Variants in PTK2 observed in about 807,000 individuals in gnomAD.
The protein encoded by PTK2 is focal adhesion kinase 1.
PTK2 carries 45 observed loss-of-function variants against 150.1 expected under a neutral mutation model. That is an observed-to-expected ratio of 0.30 (90% confidence interval 0.24 to 0.38). PTK2 has a LOEUF of 0.38. Ranked by LOEUF, PTK2 falls within the 10% of genes least tolerant of loss-of-function variation. The probability of loss-of-function intolerance (pLI) is 1.00; values close to 1 mark genes in which losing one functional copy is unlikely to be tolerated. For missense variants in PTK2, 919 were observed against 1,307.3 expected, an observed-to-expected ratio of 0.70 and a Z score of 4.58; for synonymous variants, 432 against 449.2, an observed-to-expected ratio of 0.96 and a Z score of 0.48.
At chr8:140,725,408 G>C (rs1448968974) in intron 22 of PTK2, among the ~76,000 whole-genome samples, 1 of 152,210 alleles carries the variant, frequency 6.6e-6, no homozygotes, top group Non-Finnish European at 1.5e-5. Context: ...AAACAACTGT[G>C]ACAGCATGGG....
chr8:140,781,806 A>T (rs1315462376), intron 14 of PTK2, among the ~76,000 whole-genome samples: 1 of 152,170 alleles, frequency 6.6e-6, no homozygotes. Context: ...TTCAAAACCT[A>T]TATGACCTCC....
intron 10 of PTK2, among the ~76,000 whole-genome samples, chr8:140,815,443 T>G (rs2100104147): frequency 6.6e-6 from 1 of 152,066 alleles, no homozygotes; most frequent in South Asian, 2.1e-4. Flanking sequence ...GGGAGGGGAT[T>G]GGGAAAAATA....
chr8:140,879,692 A>AAAAAAAAAAC (rs2100147936), intron 3 of PTK2, 55 bp from the exon 4 acceptor site: 5 of 1,270,022 alleles, frequency 3.9e-6, no homozygotes, highest in South Asian at 2.2e-5. Context: ...AAAAAAAAAA[A>AAAAAAAAAAC]AAAAAAAAAC....
chr8:140,884,642 A>G (rs7830394), intron 3 of PTK2, among the ~76,000 whole-genome samples: 63,254 of 151,954 alleles, frequency 0.42, 15,122 homozygotes, highest in Non-Finnish European at 0.55. Flanking sequence ...ACCTATGGCC[A>G]AACTCAGGGA....
chr8:140,834,884 A>G (rs546835125), intron 7 of PTK2, among the ~76,000 whole-genome samples: 6 of 152,334 alleles, frequency 3.9e-5, no homozygotes, highest in African/African-American at 1.4e-4. Flanking sequence ...TCAGAATCCC[A>G]TTTAACACTC....
intron 23 of PTK2, among the ~76,000 whole-genome samples, chr8:140,707,470 A>C (rs1328540450): frequency 6.6e-6 from 1 of 152,244 alleles, no homozygotes; most frequent in African/African-American, 2.4e-5. Flanking sequence ...GCAAGGTATA[A>C]TCCCGGCTCA....
exon 11 of PTK2, chr8:140,803,609 C>G (rs1334223363): frequency 6.2e-7 from 1 of 1,613,950 alleles, no homozygotes; most frequent in African/African-American, 1.3e-5. Context: ...TGTTTGAATA[C>G]TGAATGGTTT....
At chr8:140,708,670 G>A (rs1225968877) in intron 23 of PTK2, among the ~76,000 whole-genome samples, 1 of 152,014 alleles carries the variant, frequency 6.6e-6, no homozygotes, top group Non-Finnish European at 1.5e-5. Flanking sequence ...ACAGGAAAAG[G>A]GTATAAAGAG....
At chr8:140,690,375 C>T (rs1329621932) in intron 26 of PTK2, among the ~76,000 whole-genome samples, 1 of 152,122 alleles carries the variant, frequency 6.6e-6, no homozygotes, top group Non-Finnish European at 1.5e-5. Context: ...CAATCATCCG[C>T]CTCAGTTTCT....
intron 20 of PTK2, among the ~76,000 whole-genome samples, chr8:140,740,708 G>C (rs187108700): frequency 6.6e-6 from 1 of 152,314 alleles, no homozygotes; most frequent in African/African-American, 2.4e-5. Context: ...TAGGACTTGG[G>C]ACAGTTAAGA....
At chr8:140,710,606 G>T (rs1292568056) in intron 23 of PTK2, among the ~76,000 whole-genome samples, 1 of 152,090 alleles carries the variant, frequency 6.6e-6, no homozygotes, top group Non-Finnish European at 1.5e-5. Context: ...GGGAGGTAGA[G>T]GTTGCGGTGA....
At chr8:140,832,458 T>C (rs947810358) in intron 7 of PTK2, among the ~76,000 whole-genome samples, 4 of 152,226 alleles carry the variant, frequency 2.6e-5, no homozygotes, top group Admixed American at 1.3e-4. Flanking sequence ...GAACTCCTAC[T>C]ACCATGCAGT....
intron 3 of PTK2, among the ~76,000 whole-genome samples, chr8:140,885,885 G>A (rs1007607402): frequency 1.3e-5 from 2 of 152,128 alleles, no homozygotes; most frequent in African/African-American, 4.8e-5. Context: ...GTTCTGAGTG[G>A]AGGAGTGAAG....
intron 26 of PTK2, among the ~76,000 whole-genome samples, chr8:140,696,438 G>A (rs180762440): frequency 7.6e-4 from 115 of 152,238 alleles, no homozygotes; most frequent in Admixed American, 2.5e-3. Flanking sequence ...CAAGCTTCAC[G>A]CTTGGCGCTC....
At chr8:140,700,237 T>C (rs2100029421) in intron 26 of PTK2, among the ~76,000 whole-genome samples, 1 of 152,194 alleles carries the variant, frequency 6.6e-6, no homozygotes, top group Non-Finnish European at 1.5e-5. Flanking sequence ...TAGAGGGCAG[T>C]GGCACAATCA....
At chr8:140,866,500 T>C (rs1256582293) in intron 4 of PTK2, among the ~76,000 whole-genome samples, 1 of 152,240 alleles carries the variant, frequency 6.6e-6, no homozygotes, top group Non-Finnish European at 1.5e-5. Context: ...AGATCACCTA[T>C]GCCTGAATTT....
chr8:140,712,757 T>C (rs182226481), intron 23 of PTK2, among the ~76,000 whole-genome samples: 49 of 152,340 alleles, frequency 3.2e-4, no homozygotes, highest in South Asian at 1.5e-3. Flanking sequence ...CTGAGCTTAC[T>C]ATAACAGTCT....
At chr8:140,855,510 G>A (rs370402792) in intron 5 of PTK2, among the ~76,000 whole-genome samples, 9 of 152,116 alleles carry the variant, frequency 5.9e-5, no homozygotes, top group African/African-American at 1.7e-4. Flanking sequence ...CAGGAGAATC[G>A]CCTGAACCCA....
chr8:140,674,054 G>A (rs2153320757), intron 29 of PTK2: 1 of 643,150 alleles, frequency 1.6e-6, no homozygotes, highest in South Asian at 1.4e-5. Context: ...GAATCTGACT[G>A]AATTCCTAAA....
Sources: gnomAD v4.1 joint callset for allele counts (sites outside exome capture counted in the v4.1 genomes callset) on GRCh38, gnomAD v4.1.1 for gene constraint, MANE v1.5 for transcripts, NCBI Gene and HGNC (gene_info 2026-07-23, HGNC 2026-07-21) for gene names.